Variants in KITLG observed in about 807,000 individuals in gnomAD.
KITLG encodes the protein c-Kit ligand.
In KITLG, 13 loss-of-function variants were observed where a neutral mutation model predicts 34.1. The ratio of observed to expected loss-of-function variants is 0.38; its 90% CI spans 0.25 to 0.61. The LOEUF is 0.61. Among genes scored for constraint, KITLG ranks in the 20% least tolerant of loss-of-function variants. KITLG has a pLI of 0.60. For synonymous variants in KITLG, 110 were observed against 104.0 expected (o/e 1.06, Z -0.35); for missense variants, 292 against 318.9 (o/e 0.92, Z 0.64).
chr12:88,542,661 C>T (rs1870561134), intron 2 of KITLG, among the ~76,000 whole-genome samples: 1 of 152,142 alleles, frequency 6.6e-6, no homozygotes, highest in African/African-American at 2.4e-5. Flanking sequence ...CACACACACA[C>T]TCTATAAACA....
chr12:88,508,556 CGTGT>C (rs139771009), intron 6 of KITLG, among the ~76,000 whole-genome samples: 97 of 147,570 alleles, frequency 6.6e-4, no homozygotes, highest in Admixed American at 3.6e-3. Flanking sequence ...TGTGTGCTCA[CGTGT>C]GTGTGTGTGT....
At chr12:88,569,181 G>A (rs1469820693) in intron 1 of KITLG, among the ~76,000 whole-genome samples, 1 of 152,154 alleles carries the variant, frequency 6.6e-6, no homozygotes, top group Non-Finnish European at 1.5e-5. Context: ...TGCGAGCTCT[G>A]AATCCGAATC....
intron 1 of KITLG, among the ~76,000 whole-genome samples, chr12:88,557,098 G>A (rs144572580): frequency 3.3e-5 from 5 of 152,216 alleles, no homozygotes; most frequent in East Asian, 1.9e-4. Flanking sequence ...AGTTCACTTC[G>A]GTCTTGGTAG....
chr12:88,567,270 A>G (rs1159157786), intron 1 of KITLG, among the ~76,000 whole-genome samples: 1 of 152,236 alleles, frequency 6.6e-6, no homozygotes, highest in Non-Finnish European at 1.5e-5. Flanking sequence ...GGCTTGGTAA[A>G]TTAATCACTG....
rs558803201 is a variant in KITLG at position 88,507,819 on chromosome 12, G to C, written c.605-682C>G. 4.6e-5 allele frequency among the ~76,000 whole-genome samples: 7 copies of C among 152,226 alleles called. No individual in the cohort carries two copies. The South Asian group carries it at 1.4e-3, about 32-fold the overall frequency. ...TACGTCTAAATAAGAAACTCAATGAGAGAGAACATATATGGAATTGGTTTG... is the reference window on the plus strand; with the variant it reads ...TACGTCTAAATAAGAAACTCAATGACAGAGAACATATATGGAATTGGTTTG... On this transcript the variant is annotated intron_variant, in intron 6 of 9. Coordinates refer to ENST00000644744, the MANE Select transcript of KITLG (RefSeq NM_000899.5).
At chr12:88,576,306 ATATTAGCC>A (rs2120995071) in intron 1 of KITLG, among the ~76,000 whole-genome samples, 1 of 152,300 alleles carries the variant, frequency 6.6e-6, no homozygotes, top group East Asian at 1.9e-4. Flanking sequence ...CTATAAACAG[ATATTAGCC>A]TATCATGGGA....
At chr12:88,538,280 G>A (rs1870401025) in intron 2 of KITLG, among the ~76,000 whole-genome samples, 1 of 151,912 alleles carries the variant, frequency 6.6e-6, no homozygotes, top group South Asian at 2.1e-4. Flanking sequence ...CCCTCCAAAT[G>A]TTGAGCTAGG....
At position 88,516,421 on chromosome 12, in the gene KITLG, T is replaced by C; in HGVS notation, c.433A>G (p.Asn145Asp). ...FTPEEFFRIF[N>D]RSIDAFKDFV... ...TCCTTGAAGGCATCAATGGATCTATTAAAAATTCTAAAGAATTCTTCAGGA... is the reference window on the plus strand; with the variant it reads ...TCCTTGAAGGCATCAATGGATCTATCAAAAATTCTAAAGAATTCTTCAGGA... Residue 145 changes from asparagine (N) to aspartate (D), a missense_variant, in exon 5 of 10, where the codon AAT (asparagine) becomes GAT (aspartate). Physicochemically the swap from Asn to Asp is conservative, Grantham distance 23. Coordinates refer to ENST00000644744, the MANE Select transcript of KITLG (RefSeq NM_000899.5). 6.2e-7 allele frequency: 1 copy of C among 1,609,330 alleles called. No individual in the cohort carries two copies. Among genetic ancestry groups the C allele is most frequent in the South Asian group, 1.1e-5 (1 of 90,802 alleles).
chr12:88,577,648 C>G (rs886595554), intron 1 of KITLG, among the ~76,000 whole-genome samples: 1 of 151,660 alleles, frequency 6.6e-6, no homozygotes, highest in African/African-American at 2.4e-5. Flanking sequence ...AAACAGAAAT[C>G]TGAAAAATTC....
At chr12:88,559,651 G>A (rs1394629920) in intron 1 of KITLG, among the ~76,000 whole-genome samples, 1 of 152,094 alleles carries the variant, frequency 6.6e-6, no homozygotes, top group African/African-American at 2.4e-5. Context: ...TCTCCTAAGG[G>A]TGGTCAAAAT....
At chr12:88,528,021 A>G (rs931407845) in intron 3 of KITLG, among the ~76,000 whole-genome samples, 4 of 152,218 alleles carry the variant, frequency 2.6e-5, no homozygotes, top group African/African-American at 9.6e-5. Flanking sequence ...TGGTGGCTTA[A>G]AGCAGCACAA....
intron 1 of KITLG, among the ~76,000 whole-genome samples, chr12:88,553,428 G>C (rs948148469): frequency 6.6e-5 from 10 of 151,934 alleles, no homozygotes; most frequent in African/African-American, 2.2e-4. Context: ...TTTCAGTTTG[G>C]GTAATCATCT....
At chr12:88,545,719 T>C in intron 2 of KITLG, 33 bp downstream of exon 2, 1 of 1,264,090 alleles carries the variant, frequency 7.9e-7, no homozygotes, top group Non-Finnish European at 1.1e-6. Context: ...ACAGCTCTTT[T>C]TTACACAGCA....
At chr12:88,508,887 T>A (rs1036484495) in intron 6 of KITLG, among the ~76,000 whole-genome samples, 21 of 152,200 alleles carry the variant, frequency 1.4e-4, no homozygotes, top group African/African-American at 5.1e-4. Context: ...TGGACTCGTT[T>A]GGGATTTAAC....
intron 1 of KITLG, among the ~76,000 whole-genome samples, chr12:88,553,060 T>C (rs1275545433): frequency 2.0e-5 from 3 of 152,220 alleles, no homozygotes; most frequent in South Asian, 4.1e-4. Context: ...AGTAAAACTT[T>C]CTGAGAAAAG....
intron 6 of KITLG, among the ~76,000 whole-genome samples, chr12:88,508,556 CGTGTGT>C (rs139771009): frequency 2.7e-5 from 4 of 147,674 alleles, no homozygotes; most frequent in Admixed American, 1.3e-4. Context: ...TGTGTGCTCA[CGTGTGT>C]GTGTGTGTGT....
At chr12:88,508,880 A>G (rs1869168936) in intron 6 of KITLG, among the ~76,000 whole-genome samples, 1 of 152,106 alleles carries the variant, frequency 6.6e-6, no homozygotes, top group South Asian at 2.1e-4. Flanking sequence ...GATTACGTGG[A>G]CTCGTTTGGG....
chr12:88,507,022 A>G lies in KITLG; in HGVS notation c.714+6T>C. On this transcript the variant is annotated splice_donor_region_variant and intron_variant, in intron 7 of 9. Coordinates refer to ENST00000644744, the MANE Select transcript of KITLG (RefSeq NM_000899.5). ...TATTTTTAAAAAAAGGAATGGTACC[A>G]CTTACCTTCCAGTATAAGGCTCCAA... 1.4e-6 allele frequency: 2 copies of G among 1,443,362 alleles called. No individual in the cohort carries two copies. Among genetic ancestry groups the G allele is most frequent in the Non-Finnish European group, 9.8e-7 (1 of 1,023,976 alleles). 89.4% of individuals were successfully genotyped at this position (1,443,362 alleles called of 1,614,324 possible).
At chr12:88,560,553 C>A (rs1871261355) in intron 1 of KITLG, among the ~76,000 whole-genome samples, 1 of 152,222 alleles carries the variant, frequency 6.6e-6, no homozygotes, top group Admixed American at 6.5e-5. Flanking sequence ...AGCAGGCAGG[C>A]TCTTTTCTAC....
Sources: allele counts gnomAD v4.1 joint callset (sites outside exome capture counted in the v4.1 genomes callset), GRCh38; gene constraint gnomAD v4.1.1; transcripts MANE v1.5; gene names NCBI Gene and HGNC (gene_info 2026-07-23, HGNC 2026-07-21).